AIDA: variants seen among roughly 807,000 people sequenced by gnomAD.
The protein encoded by AIDA is axin interactor, dorsalization-associated protein.
Under a neutral mutation model 42.7 loss-of-function variants are expected in AIDA, and 18 were observed. The observed-to-expected ratio is 0.42, with a 90% CI of 0.29 to 0.63. The LOEUF (loss-of-function observed/expected upper bound fraction) is 0.63, where lower values mean the gene tolerates loss of function less well. Ranked by LOEUF, AIDA falls within the 20% of genes least tolerant of loss-of-function variation. AIDA has a pLI of 0.19. For missense variants in AIDA, 250 were observed against 354.1 expected, an observed-to-expected ratio of 0.71 and a Z score of 2.36; for synonymous variants, 104 against 122.9, an observed-to-expected ratio of 0.85 and a Z score of 1.02.
intron 8 of AIDA, among the ~76,000 whole-genome samples, chr1:222,671,092 T>C (rs1323597855): frequency 6.6e-6 from 1 of 151,918 alleles, no homozygotes; most frequent in East Asian, 1.9e-4. Flanking sequence ...CCAGGCTCGG[T>C]GGCACGTGCC....
rs1203703810 is a variant in AIDA at position 222,668,883 on chromosome 1, G to C, written c.*1010C>G. On this transcript the variant is annotated 3_prime_UTR_variant, in exon 10 of 10. Transcript: ENST00000340020. ...ATGACCTGCATATTTTCATATGGATGAATGTCAGTATATCTAAATAGGAAA... is the reference window on the plus strand; with the variant it reads ...ATGACCTGCATATTTTCATATGGATCAATGTCAGTATATCTAAATAGGAAA... 1 of 149,558 alleles carries C rather than the reference G, an allele frequency of 6.7e-6. No individual in the cohort carries two copies. Among genetic ancestry groups the C allele is most frequent in the Non-Finnish European group, 1.5e-5 (1 of 67,504 alleles). 9.3% of individuals were successfully genotyped at this position (149,558 alleles called of 1,614,324 possible).
chr1:222,697,637 C>T (rs1215179720), intron 2 of AIDA, among the ~76,000 whole-genome samples: 1 of 151,914 alleles, frequency 6.6e-6, no homozygotes. Flanking sequence ...GGAAAATTGA[C>T]AGCTCAAAAG....
intron 1 of AIDA, among the ~76,000 whole-genome samples, chr1:222,703,941 A>G (rs932848733): frequency 6.6e-6 from 1 of 152,200 alleles, no homozygotes; most frequent in Non-Finnish European, 1.5e-5. Context: ...ACTAAACTAT[A>G]AAACTATGGT....
rs572101146 is a variant in AIDA at position 222,710,328 on chromosome 1, G to A, written c.110+1880C>T. On this transcript the variant is annotated intron_variant, in intron 1 of 9. Transcript: ENST00000340020. ...GACTACTAGAATCATGAAGTTCAAT[G>A]GTTAGTACTGAGGTCCAACAATGGA... Among the ~76,000 whole-genome samples the A allele has an allele frequency of 2.6e-5, 4 of 152,302 alleles. No homozygotes were observed. The East Asian group carries it at 7.7e-4, about 29-fold the overall frequency.
At chr1:222,704,894 G>C (rs1655799684) in intron 1 of AIDA, among the ~76,000 whole-genome samples, 6 of 152,088 alleles carry the variant, frequency 3.9e-5, no homozygotes, top group Admixed American at 3.9e-4. Context: ...GTACTATTCT[G>C]GGTGGGCAAT....
At chr1:222,708,096 G>C (rs1474957069) in intron 1 of AIDA, among the ~76,000 whole-genome samples, 1 of 152,002 alleles carries the variant, frequency 6.6e-6, no homozygotes, top group African/African-American at 2.4e-5. Context: ...ATCACTTGAG[G>C]TCAGGAGTTC....
intron 1 of AIDA, among the ~76,000 whole-genome samples, chr1:222,703,715 T>C (rs1274706042): frequency 6.6e-6 from 1 of 152,204 alleles, no homozygotes; most frequent in African/African-American, 2.4e-5. Context: ...TTTGAAAACA[T>C]GTTTTCATGG....
chr1:222,688,493 G>T (rs1655259995), intron 4 of AIDA, among the ~76,000 whole-genome samples: 1 of 151,922 alleles, frequency 6.6e-6, no homozygotes, highest in Non-Finnish European at 1.5e-5. Context: ...CAACTGCCTA[G>T]TATAAACTGT....
intron 1 of AIDA, among the ~76,000 whole-genome samples, chr1:222,708,397 T>C (rs1209101317): frequency 2.0e-5 from 3 of 150,620 alleles, no homozygotes; most frequent in African/African-American, 7.3e-5. Context: ...AAGACGAGTC[T>C]CACTCCGTCA....
intron 4 of AIDA, among the ~76,000 whole-genome samples, chr1:222,690,606 T>A (rs1426008237): frequency 6.6e-6 from 1 of 152,164 alleles, no homozygotes; most frequent in Non-Finnish European, 1.5e-5. Flanking sequence ...ATCCAGAGAC[T>A]GCATGTTGCA....
At chr1:222,688,092 G>A (rs1571931438) in intron 4 of AIDA, among the ~76,000 whole-genome samples, 1 of 152,046 alleles carries the variant, frequency 6.6e-6, no homozygotes, top group Non-Finnish European at 1.5e-5. Flanking sequence ...TGGTGGCGCA[G>A]GTCTGTGGTC....
intron 4 of AIDA, among the ~76,000 whole-genome samples, chr1:222,691,807 A>T (rs2124960602): frequency 6.6e-6 from 1 of 152,278 alleles, no homozygotes; most frequent in Non-Finnish European, 1.5e-5. Context: ...TGGGGGAAAA[A>T]ATCAACCTTT....
intron 6 of AIDA, among the ~76,000 whole-genome samples, chr1:222,685,375 C>A (rs1664726029): frequency 1.3e-5 from 2 of 152,202 alleles, no homozygotes; most frequent in South Asian, 4.1e-4. Context: ...AGTCACTCAA[C>A]TAGTAATTGG....
chr1:222,678,528 C>CA (rs1558208283), intron 6 of AIDA, among the ~76,000 whole-genome samples: 1 of 151,254 alleles, frequency 6.6e-6, no homozygotes, highest in African/African-American at 2.4e-5. Context: ...TACCAACAAA[C>CA]TTTTTTTTTG....
At chr1:222,703,298 C>T (rs1254483659) in intron 1 of AIDA, 81 bp from the exon 2 acceptor site, 10 of 1,018,608 alleles carry the variant, frequency 9.8e-6, no homozygotes, top group Non-Finnish European at 4.3e-6. Context: ...AGCTTTTTAA[C>T]ATGTGAAGTA....
chr1:222,688,461 T>G (rs1314910386), intron 4 of AIDA, among the ~76,000 whole-genome samples: 1 of 152,180 alleles, frequency 6.6e-6, no homozygotes, highest in African/African-American at 2.4e-5. Context: ...TCCCATAAGA[T>G]TACAATGGAA....
At chr1:222,708,901 C>A (rs1482995174) in intron 1 of AIDA, among the ~76,000 whole-genome samples, 9 of 152,162 alleles carry the variant, frequency 5.9e-5, no homozygotes, top group Non-Finnish European at 8.8e-5. Context: ...GGCATCAACT[C>A]CTTAATGCTC....
chr1:222,705,799 G>A (rs1241460109), intron 1 of AIDA, among the ~76,000 whole-genome samples: 1 of 151,908 alleles, frequency 6.6e-6, no homozygotes, highest in Non-Finnish European at 1.5e-5. Flanking sequence ...CAGGAGAATC[G>A]CTTGAACCCG....
intron 6 of AIDA, among the ~76,000 whole-genome samples, chr1:222,678,258 C>T (rs528975717): frequency 6.6e-6 from 1 of 150,848 alleles, no homozygotes; most frequent in East Asian, 1.9e-4. Flanking sequence ...ATGTCTTTTG[C>T]CCAATTTTCT....
Sources: gnomAD v4.1 joint callset for allele counts (sites outside exome capture counted in the v4.1 genomes callset) on GRCh38, gnomAD v4.1.1 for gene constraint, MANE v1.5 for transcripts, NCBI Gene and HGNC (gene_info 2026-07-23, HGNC 2026-07-21) for gene names.